SLC25A16: variants seen among roughly 807,000 people sequenced by gnomAD.
SLC25A16 encodes the protein solute carrier family 25 member 16, also known as mitochondrial coenzyme A transporter SLC25A16.
In SLC25A16, 39 loss-of-function variants were observed where a neutral mutation model predicts 41.5. The ratio of observed to expected loss-of-function variants is 0.94; its 90% CI spans 0.73 to 1.23. SLC25A16 has a LOEUF of 1.23. Among genes scored for constraint, SLC25A16 ranks in the 50% most tolerant of loss-of-function variants. The pLI, the probability that SLC25A16 is intolerant of heterozygous loss-of-function variation, is 0.00. For synonymous variants in SLC25A16, 146 were observed against 147.8 expected (o/e 0.99, Z 0.09); for missense variants, 421 against 426.9 (o/e 0.99, Z 0.12).
intron 2 of SLC25A16, among the ~76,000 whole-genome samples, chr10:68,507,070 CTTTTTTT>C (rs71019019): frequency 0.026 from 2,991 of 115,588 alleles, 111 homozygotes; most frequent in African/African-American, 0.091. Flanking sequence ...ATGACCTACT[CTTTTTTT>C]TTTTTTTTTT....
chr10:68,483,436 T>C lies in SLC25A16; in HGVS notation c.995A>G (p.Asn332Ser). Residue 332 changes from asparagine to serine, a missense_variant, in exon 9 of 9, where the codon AAC (asparagine) becomes AGC (serine). Asn to Ser is a conservative substitution (Grantham distance 46). Coordinates refer to ENST00000609923, the MANE Select transcript of SLC25A16 (RefSeq NM_152707.4). ...AAAACCAACCATAATTTTTTTTTAG[T>C]TGAGGTGAAAAAACTGCTTCATAAG... Reference protein sequence around the residue: ...YELMKQFFHLN With the variant: ...YELMKQFFHLS 2.5e-6 allele frequency: 4 copies of C among 1,577,438 alleles called. No individual in the cohort carries two copies. Among genetic ancestry groups the C allele is most frequent in the Non-Finnish European group, 3.4e-6 (4 of 1,164,524 alleles).
chr10:68,516,272 A>G (rs1302096974), intron 2 of SLC25A16, among the ~76,000 whole-genome samples: 4 of 152,138 alleles, frequency 2.6e-5, no homozygotes, highest in Admixed American at 2.6e-4. Context: ...TCCAGTTTCC[A>G]TTGGCTGGAA....
At chr10:68,499,054 A>C (rs1434298864) in intron 4 of SLC25A16, among the ~76,000 whole-genome samples, 1 of 152,198 alleles carries the variant, frequency 6.6e-6, no homozygotes, top group Non-Finnish European at 1.5e-5. Context: ...CTATTTTTAC[A>C]GCAATTCTTT....
intron 6 of SLC25A16, among the ~76,000 whole-genome samples, chr10:68,489,886 C>T (rs1465173432): frequency 3.7e-5 from 5 of 134,400 alleles, no homozygotes; most frequent in African/African-American, 1.5e-4. Flanking sequence ...GGCAACAGAG[C>T]GAGACTCTGT....
chr10:68,500,442 G>A (rs1034981186), intron 4 of SLC25A16, among the ~76,000 whole-genome samples: 3 of 151,968 alleles, frequency 2.0e-5, no homozygotes, highest in African/African-American at 7.2e-5. Context: ...CACGTATCTG[G>A]GATTACAGGC....
intron 4 of SLC25A16, among the ~76,000 whole-genome samples, chr10:68,494,191 G>A (rs1407319859): frequency 1.3e-5 from 2 of 152,146 alleles, no homozygotes; most frequent in African/African-American, 2.4e-5. Flanking sequence ...TAGGCCAGGC[G>A]TGGTGGCTCA....
At chr10:68,516,920 G>C in intron 1 of SLC25A16, 77 bp from the exon 2 acceptor site, 4 of 1,236,004 alleles carry the variant, frequency 3.2e-6, no homozygotes, top group Non-Finnish European at 4.7e-6. Flanking sequence ...TGTTCAGCCA[G>C]CAAACCCTCT....
intron 4 of SLC25A16, among the ~76,000 whole-genome samples, chr10:68,497,670 G>A (rs936528745): frequency 1.4e-5 from 2 of 146,668 alleles, no homozygotes; most frequent in Admixed American, 7.0e-5. Context: ...AAGCTGGAAC[G>A]CTGTGATGTG....
intron 1 of SLC25A16, among the ~76,000 whole-genome samples, chr10:68,520,513 T>C (rs2053232833): frequency 6.6e-6 from 1 of 151,972 alleles, no homozygotes; most frequent in Non-Finnish European, 1.5e-5. Context: ...CCGTCTCTAC[T>C]AAAAATACAA....
intron 2 of SLC25A16, among the ~76,000 whole-genome samples, chr10:68,510,573 G>C (rs957703987): frequency 2.6e-5 from 4 of 152,036 alleles, no homozygotes; most frequent in African/African-American, 7.2e-5. Flanking sequence ...GGGCGCGGTG[G>C]CTTACGCCTA....
intron 4 of SLC25A16, among the ~76,000 whole-genome samples, chr10:68,495,110 C>T (rs536785381): frequency 2.6e-5 from 4 of 151,720 alleles, no homozygotes; most frequent in South Asian, 2.1e-4. Context: ...AGCAAAACTT[C>T]GTATTTATTT....
chr10:68,482,178 C>A lies in SLC25A16; in HGVS notation c.*1254G>T, dbSNP rs2052490810. On this transcript the variant is annotated 3_prime_UTR_variant, in exon 9 of 9. Coordinates refer to ENST00000609923, the MANE Select transcript of SLC25A16 (RefSeq NM_152707.4). ...AGGTTGCAGTGAGCTGAGATCGCGCCACTGCACTCCAGCCTGGGCGATAGA... is the reference window on the plus strand; with the variant it reads ...AGGTTGCAGTGAGCTGAGATCGCGCAACTGCACTCCAGCCTGGGCGATAGA... 1 of 150,604 alleles carries A rather than the reference C, an allele frequency of 6.6e-6. No individual in the cohort carries two copies. 9.3% of individuals were successfully genotyped at this position (150,604 alleles called of 1,614,324 possible).
At chr10:68,493,057 C>T (rs2052686971) in intron 6 of SLC25A16, 75 bp downstream of exon 6, 2 of 808,204 alleles carry the variant, frequency 2.5e-6, no homozygotes, top group South Asian at 1.5e-5. Flanking sequence ...TTTTATATTA[C>T]CATTTCAGAA....
At chr10:68,491,556 A>T (rs985007272) in intron 6 of SLC25A16, among the ~76,000 whole-genome samples, 3 of 151,844 alleles carry the variant, frequency 2.0e-5, no homozygotes, top group African/African-American at 7.3e-5. Context: ...TTTGATTTTT[A>T]GAGACAAGGT....
chr10:68,488,127 G>A (rs947751490), intron 7 of SLC25A16, among the ~76,000 whole-genome samples: 2 of 152,126 alleles, frequency 1.3e-5, no homozygotes, highest in Non-Finnish European at 2.9e-5. Context: ...TGGGATTACA[G>A]ACGTGAGTCA....
At chr10:68,492,631 G>A (rs752646562) in intron 6 of SLC25A16, among the ~76,000 whole-genome samples, 5 of 151,810 alleles carry the variant, frequency 3.3e-5, no homozygotes, top group Non-Finnish European at 4.4e-5. Context: ...GCAGTGAGCC[G>A]AGATCACGCC....
Position 68,527,516 on chromosome 10 carries a change from T to C in SLC25A16, c.-141A>G. The C allele has an allele frequency of 1.3e-6, 1 of 750,830 alleles. No individual in the cohort carries two copies. The highest frequency in any genetic ancestry group is 2.0e-6 in the Non-Finnish European group (1 of 498,034). 46.5% of individuals were successfully genotyped at this position (750,830 alleles called of 1,614,324 possible). A position where few individuals can be genotyped will look rare whatever the true frequency, so the allele number is the denominator to read the frequency against. On this transcript the variant is annotated 5_prime_UTR_variant, in exon 1 of 9. Coordinates refer to ENST00000609923, the MANE Select transcript of SLC25A16 (RefSeq NM_152707.4). ...CACCCGGCGGCGCGGCGCCGGCTGATGGCGTACAGCAAGGGCGGGGCCTGT... is the reference window on the plus strand; with the variant it reads ...CACCCGGCGGCGCGGCGCCGGCTGACGGCGTACAGCAAGGGCGGGGCCTGT...
intron 1 of SLC25A16, among the ~76,000 whole-genome samples, chr10:68,525,032 G>A (rs2133609940): frequency 6.6e-6 from 1 of 152,218 alleles, no homozygotes; most frequent in South Asian, 2.1e-4. Flanking sequence ...GGGTGAGGGA[G>A]TGAGACTCTG....
At chr10:68,518,643 G>A (rs767193734) in intron 1 of SLC25A16, among the ~76,000 whole-genome samples, 1 of 151,526 alleles carries the variant, frequency 6.6e-6, no homozygotes, top group African/African-American at 2.4e-5. Context: ...GCATGGTGGT[G>A]CGTGCATGTA....
Sources: gnomAD v4.1 joint callset for allele counts (sites outside exome capture counted in the v4.1 genomes callset) on GRCh38, gnomAD v4.1.1 for gene constraint, MANE v1.5 for transcripts, NCBI Gene and HGNC (gene_info 2026-07-23, HGNC 2026-07-21) for gene names.